LARGE1: variants seen among roughly 807,000 people sequenced by gnomAD.
LARGE1 encodes xylosyl- and glucuronyltransferase LARGE1.
A neutral mutation model predicts 87.6 loss-of-function variants in LARGE1; 43 were observed. The ratio of observed to expected loss-of-function variants is 0.49; its 90% CI spans 0.38 to 0.63. The LOEUF (loss-of-function observed/expected upper bound fraction) is 0.63, where lower values mean the gene tolerates loss of function less well. LARGE1 is among the 30% of genes least tolerant of loss of function. The pLI, the probability that LARGE1 is intolerant of heterozygous loss-of-function variation, is 0.00. For missense variants in LARGE1, 802 were observed against 1,000.2 expected (o/e 0.80, Z 2.67); for synonymous variants, 434 against 394.6 (o/e 1.10, Z -1.18).
At chr22:33,083,887 G>T in the LARGE1 span, among the ~76,000 whole-genome samples, 5 of 152,280 alleles carry the variant, frequency 3.3e-5, no homozygotes, top group Admixed American at 6.5e-5. Context: ...CTGCCTGAGT[G>T]CTCTACTTAA....
chr22:33,457,293 CTTTTTTTTTTT>C (rs759460321), intron 6 of LARGE1, among the ~76,000 whole-genome samples: 180 of 74,926 alleles, frequency 2.4e-3, no homozygotes, highest in African/African-American at 6.1e-3. Flanking sequence ...ACGCCTGGCT[CTTTTTTTTTTT>C]TTTTTTTTTT....
At chr22:33,189,812 A>G (rs1923682091) in intron 11 of LARGE1, among the ~76,000 whole-genome samples, 1 of 152,194 alleles carries the variant, frequency 6.6e-6, no homozygotes, top group Non-Finnish European at 1.5e-5. Flanking sequence ...ATTCATCGCA[A>G]TATGCCCCAG....
At chr22:33,474,606 G>T (rs2068993696) in intron 6 of LARGE1, among the ~76,000 whole-genome samples, 1 of 152,212 alleles carries the variant, frequency 6.6e-6, no homozygotes, top group Non-Finnish European at 1.5e-5. Context: ...GTGAGTCTGA[G>T]ACCTCACTGT....
chr22:33,529,500 G>A (rs146041326), intron 6 of LARGE1, among the ~76,000 whole-genome samples: 6 of 152,316 alleles, frequency 3.9e-5, no homozygotes, highest in African/African-American at 1.4e-4. Flanking sequence ...CAGCCCCAAC[G>A]TGCCTAGCTA....
chr22:33,328,492 T>C (rs565635055), intron 10 of LARGE1, among the ~76,000 whole-genome samples: 58 of 152,022 alleles, frequency 3.8e-4, no homozygotes, highest in African/African-American at 1.4e-3. Context: ...AGGCAGAGAA[T>C]TGCTTGAACC....
chr22:33,649,527 C>G (rs747447929), intron 3 of LARGE1, among the ~76,000 whole-genome samples: 40 of 152,180 alleles, frequency 2.6e-4, no homozygotes, highest in Non-Finnish European at 5.0e-4. Flanking sequence ...TTAATTCTCA[C>G]AAATACTCCA....
intron 1 of LARGE1, among the ~76,000 whole-genome samples, chr22:33,895,601 T>C (rs1202383429): frequency 6.6e-6 from 1 of 152,186 alleles, no homozygotes; most frequent in Non-Finnish European, 1.5e-5. Context: ...CCTTGCCTTC[T>C]TGCTGGCTGT....
intron 2 of LARGE1, among the ~76,000 whole-genome samples, chr22:33,760,967 A>T (rs1569431876): frequency 6.6e-6 from 1 of 151,686 alleles, no homozygotes; most frequent in Non-Finnish European, 1.5e-5. Flanking sequence ...AACAAACAAA[A>T]AACACCACCA....
the LARGE1 span, among the ~76,000 whole-genome samples, chr22:33,081,648 C>A: frequency 6.6e-6 from 1 of 152,136 alleles, no homozygotes; most frequent in Non-Finnish European, 1.5e-5. Context: ...TATGGACATG[C>A]TCATCAGAAA....
At chr22:33,669,991 T>C (rs1245621391) in intron 2 of LARGE1, among the ~76,000 whole-genome samples, 1 of 152,176 alleles carries the variant, frequency 6.6e-6, no homozygotes, top group African/African-American at 2.4e-5. Context: ...CCAAAGAGGA[T>C]GTGAGGTCGC....
intron 1 of LARGE1, among the ~76,000 whole-genome samples, chr22:33,779,449 T>C (rs1197765733): frequency 2.0e-5 from 3 of 151,932 alleles, no homozygotes; most frequent in African/African-American, 7.3e-5. Context: ...AGCTCTACAG[T>C]GAGAAGTAAT....
chr22:33,279,527 T>C (rs1366461382), intron 13 of LARGE1, among the ~76,000 whole-genome samples: 6 of 152,266 alleles, frequency 3.9e-5, no homozygotes, highest in African/African-American at 1.2e-4. Context: ...CCAGTGCAGC[T>C]GAATGGGCAC....
chr22:33,912,855 C>T (rs1199899829), intron 1 of LARGE1, among the ~76,000 whole-genome samples: 1 of 143,770 alleles, frequency 7.0e-6, no homozygotes, highest in Non-Finnish European at 1.5e-5. Context: ...TTTTTTGAGA[C>T]GAAGTCTCAC....
At chr22:33,389,157 C>T (rs1187827692) in intron 7 of LARGE1, among the ~76,000 whole-genome samples, 4 of 152,158 alleles carry the variant, frequency 2.6e-5, no homozygotes, top group South Asian at 2.1e-4. Context: ...GACTGGGCTA[C>T]GCAAGAACTA....
intron 6 of LARGE1, among the ~76,000 whole-genome samples, chr22:33,560,356 G>A (rs1473320760): frequency 3.3e-5 from 5 of 152,318 alleles, no homozygotes; most frequent in African/African-American, 1.2e-4. Flanking sequence ...TGGCACATCT[G>A]CGGTGCCGTG....
chr22:33,348,145 T>C (rs1017558211), intron 9 of LARGE1, among the ~76,000 whole-genome samples: 1 of 152,126 alleles, frequency 6.6e-6, no homozygotes, highest in African/African-American at 2.4e-5. Flanking sequence ...AAGGGGACTA[T>C]TCTGAAACAC....
At chr22:33,677,509 T>C (rs2081619699) in intron 2 of LARGE1, among the ~76,000 whole-genome samples, 1 of 152,134 alleles carries the variant, frequency 6.6e-6, no homozygotes, top group African/African-American at 2.4e-5. Context: ...ACTGTCTCCA[T>C]ATTTTTTCTC....
At chr22:33,092,043 G>T in the LARGE1 span, among the ~76,000 whole-genome samples, 6 of 152,028 alleles carry the variant, frequency 3.9e-5, no homozygotes, top group Non-Finnish European at 8.8e-5. Context: ...GGGATTACAG[G>T]CACCCACCAC....
At chr22:33,481,580 A>G (rs1367000844) in intron 6 of LARGE1, among the ~76,000 whole-genome samples, 1 of 152,136 alleles carries the variant, frequency 6.6e-6, no homozygotes, top group African/African-American at 2.4e-5. Flanking sequence ...GTCAAACAGT[A>G]CCAGTAAAGC....
Sources: allele counts gnomAD v4.1 joint callset (sites outside exome capture counted in the v4.1 genomes callset), GRCh38; gene constraint gnomAD v4.1.1; transcripts MANE v1.5; gene names NCBI Gene and HGNC (gene_info 2026-07-23, HGNC 2026-07-21).